ATRNL1: variants seen among roughly 807,000 people sequenced by gnomAD.
The protein encoded by ATRNL1 is attractin like 1.
ATRNL1 carries 95 observed loss-of-function variants against 182.7 expected under a neutral mutation model. The ratio of observed to expected loss-of-function variants is 0.52; its 90% CI spans 0.44 to 0.62. The LOEUF (loss-of-function observed/expected upper bound fraction) is 0.62. ATRNL1 is among the 20% of genes least tolerant of loss of function. ATRNL1 has a pLI of 0.00. For missense variants in ATRNL1, 1,471 were observed against 1,679.5 expected, an observed-to-expected ratio of 0.88 and a Z score of 2.17; for synonymous variants, 576 against 568.3, an observed-to-expected ratio of 1.01 and a Z score of -0.19.
At chr10:115,321,295 G>T (rs1554931451) in intron 18 of ATRNL1, among the ~76,000 whole-genome samples, 1 of 151,922 alleles carries the variant, frequency 6.6e-6, no homozygotes, top group East Asian at 1.9e-4. Context: ...TGACCTTGAG[G>T]GTCAGCAAGT....
At chr10:115,468,750 G>T in intron 23 of ATRNL1, among the ~76,000 whole-genome samples, 1 of 150,530 alleles carries the variant, frequency 6.6e-6, no homozygotes, top group East Asian at 1.9e-4. Context: ...CTTTTTAAAT[G>T]CTCTGTGGCA....
chr10:115,279,126 C>T (rs547124498), intron 13 of ATRNL1, among the ~76,000 whole-genome samples: 5 of 150,832 alleles, frequency 3.3e-5, no homozygotes, highest in East Asian at 2.0e-4. Flanking sequence ...GGCATGAACC[C>T]GAGAGGTGGA....
At chr10:115,901,271 A>G (rs2134490593) in intron 28 of ATRNL1, among the ~76,000 whole-genome samples, 1 of 152,348 alleles carries the variant, frequency 6.6e-6, no homozygotes, top group African/African-American at 2.4e-5. Flanking sequence ...ATATGTCTCA[A>G]TTGATAAAAT....
At chr10:115,632,343 G>GA (rs1235107858) in intron 26 of ATRNL1, among the ~76,000 whole-genome samples, 1 of 152,012 alleles carries the variant, frequency 6.6e-6, no homozygotes, top group East Asian at 1.9e-4. Context: ...TTCATGACTG[G>GA]AAAACAGAAA....
chr10:115,903,314 G>C (rs1160624499), intron 28 of ATRNL1, among the ~76,000 whole-genome samples: 2 of 152,070 alleles, frequency 1.3e-5, no homozygotes, highest in Non-Finnish European at 2.9e-5. Flanking sequence ...ACCTCTCCGT[G>C]GTATCTTGCC....
chr10:115,541,752 A>C lies in ATRNL1; in HGVS notation c.3717-7706A>C, dbSNP rs1592821993. Among the ~76,000 whole-genome samples, 3 of 152,226 alleles carry C rather than the reference A, an allele frequency of 2.0e-5. No individual in the cohort carries two copies. In the South Asian group the frequency reaches 6.2e-4, roughly 31 times the overall value. On this transcript the variant is annotated intron_variant, in intron 25 of 28. Coordinates refer to ENST00000355044, the MANE Select transcript of ATRNL1 (RefSeq NM_207303.4). ...GAAACAAAAAAAATACTATAGTGTT[A>C]TATTTGTAAAAAATTTAGCAATAGA... is the stretch of plus-strand genomic sequence containing the variant.
At chr10:115,539,172 C>T (rs1554991277) in intron 25 of ATRNL1, among the ~76,000 whole-genome samples, 1 of 152,166 alleles carries the variant, frequency 6.6e-6, no homozygotes, top group Non-Finnish European at 1.5e-5. Context: ...GATCTGTGAT[C>T]CATTTCAGTT....
chr10:115,773,686 C>T (rs1026883818), intron 27 of ATRNL1, among the ~76,000 whole-genome samples: 2 of 152,168 alleles, frequency 1.3e-5, no homozygotes, highest in African/African-American at 4.8e-5. Context: ...ATCACATGCT[C>T]ATGAAATCAG....
intron 19 of ATRNL1, among the ~76,000 whole-genome samples, chr10:115,339,905 C>T (rs1855659438): frequency 6.6e-6 from 1 of 152,106 alleles, no homozygotes; most frequent in South Asian, 2.1e-4. Flanking sequence ...GGGTTTTTAT[C>T]ATGAAGGGAT....
intron 24 of ATRNL1, among the ~76,000 whole-genome samples, chr10:115,496,248 T>C (rs1185818433): frequency 6.6e-6 from 1 of 152,106 alleles, no homozygotes; most frequent in African/African-American, 2.4e-5. Context: ...AGCTGGTTAT[T>C]ATGCAGACTT....
intron 26 of ATRNL1, among the ~76,000 whole-genome samples, chr10:115,681,361 G>T (rs781824598): frequency 2.0e-5 from 3 of 151,980 alleles, no homozygotes; most frequent in Admixed American, 2.0e-4. Flanking sequence ...AGACTTTTAC[G>T]TGTGTTATCT....
At chr10:115,231,633 T>G (rs1849957678) in intron 9 of ATRNL1, among the ~76,000 whole-genome samples, 1 of 152,100 alleles carries the variant, frequency 6.6e-6, no homozygotes, top group Non-Finnish European at 1.5e-5. Context: ...TAGAGGGATG[T>G]ACTCAAGAAA....
At chr10:115,156,175 T>C (rs1221980557) in intron 5 of ATRNL1, among the ~76,000 whole-genome samples, 1 of 152,120 alleles carries the variant, frequency 6.6e-6, no homozygotes, top group Non-Finnish European at 1.5e-5. Context: ...CCAACAGTCA[T>C]TGAAACTTTT....
At chr10:115,808,761 A>G (rs2960686) in intron 27 of ATRNL1, among the ~76,000 whole-genome samples, 36,670 of 151,914 alleles carry the variant, frequency 0.24, 4,995 homozygotes, top group African/African-American at 0.37. Context: ...CATTTCCCTC[A>G]TGACTTCCGA....
rs1447342516 is a variant in ATRNL1, at chr10:115,196,587, CTT to C, written c.1349-19107_1349-19106del. 2.6e-5 allele frequency among the ~76,000 whole-genome samples: 4 copies of C among 151,960 alleles called. No individual in the cohort carries two copies. In the East Asian group the frequency reaches 5.8e-4, roughly 22 times the overall value. ...GTATATCACTTCTTTATTTAGGTCT[CTT>C]TTGTTTCAGCAGTATTTTATATTTT... On this transcript the variant is annotated intron_variant, in intron 8 of 28. Transcript: ENST00000355044.
chr10:115,700,394 G>A (rs964864501), intron 26 of ATRNL1, among the ~76,000 whole-genome samples: 4 of 152,164 alleles, frequency 2.6e-5, no homozygotes, highest in Non-Finnish European at 4.4e-5. Context: ...GCTGGTGTGA[G>A]ATGGTATCTC....
At chr10:115,890,338 C>T (rs1952050414) in intron 28 of ATRNL1, among the ~76,000 whole-genome samples, 1 of 152,112 alleles carries the variant, frequency 6.6e-6, no homozygotes, top group African/African-American at 2.4e-5. Flanking sequence ...ATCTTTAAAG[C>T]TATTTATTGA....
At chr10:115,270,704 G>A (rs1851823306) in intron 13 of ATRNL1, among the ~76,000 whole-genome samples, 1 of 151,884 alleles carries the variant, frequency 6.6e-6, no homozygotes, top group Non-Finnish European at 1.5e-5. Context: ...TCAATTGCTT[G>A]GATGACGCCC....
At chr10:115,200,973 G>A (rs1165079672) in intron 8 of ATRNL1, among the ~76,000 whole-genome samples, 2 of 151,206 alleles carry the variant, frequency 1.3e-5, no homozygotes, top group African/African-American at 2.4e-5. Flanking sequence ...TTTCTCTGAT[G>A]GCCAGTGATG....
Sources: gnomAD v4.1 joint callset for allele counts (sites outside exome capture counted in the v4.1 genomes callset) on GRCh38, gnomAD v4.1.1 for gene constraint, MANE v1.5 for transcripts, NCBI Gene and HGNC (gene_info 2026-07-23, HGNC 2026-07-21) for gene names.